The following KIAA1586 variants were observed in gnomAD, a reference collection of about 807,000 sequenced individuals.
KIAA1586 encodes KIAA1586, also known as E3 SUMO-protein ligase KIAA1586.
Under a neutral mutation model 6.1 loss-of-function variants are expected in KIAA1586, and 5 were observed. That is an observed-to-expected ratio of 0.82 (90% CI 0.43 to 1.73). The LOEUF (loss-of-function observed/expected upper bound fraction) is 1.73, where lower values mean the gene tolerates loss of function less well. Among genes scored for constraint, KIAA1586 ranks in the 40% most tolerant of loss-of-function variants. The pLI, the probability that KIAA1586 is intolerant of heterozygous loss-of-function variation, is 0.02. For missense variants in KIAA1586, 899 were observed against 878.2 expected, an observed-to-expected ratio of 1.02 and a Z score of -0.30; for synonymous variants, 280 against 301.7, an observed-to-expected ratio of 0.93 and a Z score of 0.75.
chr6:57,066,115 G>GAA, the KIAA1586 span, among the ~76,000 whole-genome samples: 93 of 132,278 alleles, frequency 7.0e-4, 3 homozygotes, highest in South Asian at 1.9e-3. Flanking sequence ...TGTCTCTACT[G>GAA]AAAAAAAAAA....
chr6:57,052,056 G>T (rs1267585399), intron 3 of KIAA1586, among the ~76,000 whole-genome samples: 2 of 152,112 alleles, frequency 1.3e-5, no homozygotes, highest in African/African-American at 4.8e-5. Flanking sequence ...TCTAATATAT[G>T]TCTTTATTGT....
chr6:57,056,539 A>AG (rs1490271904), downstream of KIAA1586, among the ~76,000 whole-genome samples: 3 of 148,070 alleles, frequency 2.0e-5, no homozygotes, highest in African/African-American at 7.6e-5. Context: ...TGAAAGAATT[A>AG]GGGTTTTTTT....
At position 57,054,002 on chromosome 6, in the gene KIAA1586, A is replaced by G; in HGVS notation, c.1503A>G (p.Ile501Met). The change falls in exon 4 of 4, where the codon ATA (isoleucine) becomes ATG (methionine). Residue 501 changes from isoleucine (I) to methionine (M), a missense_variant. Transcript: ENST00000370733. ...AATAVWHAYPILYMHFSHSYS... is the reference protein window; with the variant it reads ...AATAVWHAYPMLYMHFSHSYS... Reference sequence around the variant, plus strand: ...CTGCTGTATGGCATGCATATCCTATATTATATATGCATTTTTCTCATTCTT... The same window carrying G: ...CTGCTGTATGGCATGCATATCCTATGTTATATATGCATTTTTCTCATTCTT... 3 of 1,608,470 alleles carry G rather than the reference A, an allele frequency of 1.9e-6. No individual in the cohort carries two copies. The highest frequency in any genetic ancestry group is 1.1e-5 in the South Asian group (1 of 89,928).
the KIAA1586 span, among the ~76,000 whole-genome samples, chr6:57,065,492 G>GTT: frequency 5.8e-5 from 8 of 137,934 alleles, no homozygotes; most frequent in Admixed American, 2.2e-4. Flanking sequence ...TGCCTTTTTT[G>GTT]TTTTTTTTTT....
Position 57,054,594 on chromosome 6 carries a change from A to G in KIAA1586, c.2095A>G (p.Thr699Ala). The change falls in exon 4 of 4, where the codon ACC (threonine) becomes GCC (alanine). Residue 699 changes from threonine to alanine, a missense_variant. By Grantham distance (58) the Thr-to-Ala change is moderately conservative. Transcript: ENST00000370733. ...ATACAAAGCTAAAAAGATAGTTAGCACCATTGCAATCAATAGTGCTGAAGC... is the reference window on the plus strand; with the variant it reads ...ATACAAAGCTAAAAAGATAGTTAGCGCCATTGCAATCAATAGTGCTGAAGC... ...TIYKAKKIVS[T>A]IAINSAEAER... 10 of 1,606,676 alleles carry G rather than the reference A, an allele frequency of 6.2e-6. No individual in the cohort carries two copies. Among genetic ancestry groups the G allele is most frequent in the Non-Finnish European group, 8.5e-6 (10 of 1,175,292 alleles).
At chr6:57,062,142 G>T in the KIAA1586 span, among the ~76,000 whole-genome samples, 3 of 152,018 alleles carry the variant, frequency 2.0e-5, no homozygotes, top group Non-Finnish European at 4.4e-5. Context: ...TGTTGCCCAG[G>T]CTGGTCTCAA....
downstream of KIAA1586, chr6:57,055,314 A>G (rs1382725251): frequency 1.3e-5 from 2 of 150,738 alleles, no homozygotes; most frequent in Non-Finnish European, 2.9e-5. Context: ...GCTTAGGGCT[A>G]AAAGTAAAAT....
At chr6:57,050,634 C>A in intron 2 of KIAA1586, 140 bp from the exon 3 acceptor site, 1 of 616,190 alleles carries the variant, frequency 1.6e-6, no homozygotes, top group Non-Finnish European at 2.9e-6. Flanking sequence ...CGTTTTGTTT[C>A]TAATTATTCT....
chr6:57,061,001 A>G, the KIAA1586 span, among the ~76,000 whole-genome samples: 10 of 149,066 alleles, frequency 6.7e-5, no homozygotes, highest in African/African-American at 2.5e-4. Flanking sequence ...TTTTTGAAAC[A>G]GAGTCTTCGC....
At chr6:57,059,030 C>T (rs1025990984), downstream of KIAA1586, among the ~76,000 whole-genome samples, 4 of 151,976 alleles carry the variant, frequency 2.6e-5, no homozygotes, top group African/African-American at 9.7e-5. Context: ...AAAATGATAG[C>T]TATGTTTGGA....
chr6:57,049,969 T>C (rs1828277553), intron 2 of KIAA1586, among the ~76,000 whole-genome samples: 1 of 152,110 alleles, frequency 6.6e-6, no homozygotes, highest in Non-Finnish European at 1.5e-5. Context: ...ATCATTTCAG[T>C]TAAAAAAAAT....
chr6:57,062,440 C>CAT, the KIAA1586 span, among the ~76,000 whole-genome samples: 2 of 152,146 alleles, frequency 1.3e-5, no homozygotes, highest in African/African-American at 4.8e-5. Context: ...ATTATTATCA[C>CAT]GTGGGGAAAC....
At chr6:57,064,051 G>A in the KIAA1586 span, among the ~76,000 whole-genome samples, 1 of 152,310 alleles carries the variant, frequency 6.6e-6, no homozygotes, top group East Asian at 1.9e-4. Flanking sequence ...GCTCCCCTAA[G>A]GGAGCAACAG....
In KIAA1586 at chr6:57,047,123, GTCC is replaced by G. The variant is rs1470651814; in HGVS notation, c.22-189_22-187del. Among the ~76,000 whole-genome samples, 4 of 12,666 alleles carry G rather than the reference GTCC, an allele frequency of 3.2e-4. No individual in the cohort carries two copies. In the East Asian group the frequency reaches 3.7e-3, roughly 12 times the overall value. The allele number at this position is 12,666 out of a possible 152,430, so 8.3% of individuals were successfully genotyped here. A position where few individuals can be genotyped will look rare whatever the true frequency, so the allele number is the denominator to read the frequency against. On this transcript the variant is annotated intron_variant, in intron 1 of 3. Coordinates refer to ENST00000370733, the MANE Select transcript of KIAA1586 (RefSeq NM_020931.4). ...GTAACTAACGCGTTTTCAGCGTTGG[GTCC>G]CTGCAGCTCCGCACACTCTGTGGCA... is the stretch of plus-strand genomic sequence containing the variant.
chr6:57,063,442 T>C, the KIAA1586 span, among the ~76,000 whole-genome samples: 1 of 143,460 alleles, frequency 7.0e-6, no homozygotes, highest in Non-Finnish European at 1.5e-5. Context: ...TAATAGATTA[T>C]GTTATTTCTT....
In KIAA1586 at chr6:57,052,840, C is replaced by T; in HGVS notation, c.341C>T (p.Pro114Leu). The T allele has an allele frequency of 6.2e-7, 1 of 1,613,214 alleles. No individual in the cohort carries two copies. Residue 114 changes from proline to leucine, a missense_variant, in exon 4 of 4, where the codon CCA becomes CTA. Transcript: ENST00000370733. ...KEPHFEYIEQ[P>L]IIEEKPSLSS... ...CCACATTTCGAGTATATTGAACAACCAATCATTGAAGAAAAGCCATCACTT... is the reference window on the plus strand; with the variant it reads ...CCACATTTCGAGTATATTGAACAACTAATCATTGAAGAAAAGCCATCACTT...
chr6:57,050,709 T>C (rs1828297558), intron 2 of KIAA1586, 65 bp from the exon 3 acceptor site: 1 of 1,132,530 alleles, frequency 8.8e-7, no homozygotes, highest in Admixed American at 2.0e-5. Flanking sequence ...TCCCACTGAT[T>C]GTTAAATTTA....
the KIAA1586 span, among the ~76,000 whole-genome samples, chr6:57,066,755 G>C: frequency 6.6e-6 from 1 of 152,170 alleles, no homozygotes; most frequent in Non-Finnish European, 1.5e-5. Context: ...TGCGTATGGA[G>C]TCTTTCAGCC....
chr6:57,054,805 G>T lies in KIAA1586; in HGVS notation c.2306G>T (p.Arg769Leu). ...AGGTTGGCTACAGATACAAGAGTTCGGCAAAAGTCAACAAAAGTCTTCCAT... is the reference window on the plus strand; with the variant it reads ...AGGTTGGCTACAGATACAAGAGTTCTGCAAAAGTCAACAAAAGTCTTCCAT... The part of the protein sequence containing the change: ...NHRLATDTRV[R>L]QKSTKVFHEN... Residue 769 changes from arginine (R) to leucine (L), a missense_variant, in exon 4 of 4, where the codon CGG (arginine) becomes CTG (leucine). Physicochemically the swap from Arg to Leu is moderately radical, Grantham distance 102. Transcript: ENST00000370733. The T allele has an allele frequency of 1.9e-6, 3 of 1,550,846 alleles. No homozygotes were observed. Among genetic ancestry groups the T allele is most frequent in the Non-Finnish European group, 2.6e-6 (3 of 1,146,556 alleles).
Sources: gnomAD v4.1 joint callset for allele counts (sites outside exome capture counted in the v4.1 genomes callset) on GRCh38, gnomAD v4.1.1 for gene constraint, MANE v1.5 for transcripts, NCBI Gene and HGNC (gene_info 2026-07-23, HGNC 2026-07-21) for gene names.